Variants in FGF14 observed in about 807,000 individuals in gnomAD.
FGF14 encodes fibroblast growth factor homologous factor 4.
In FGF14, 5 loss-of-function variants were observed where a neutral mutation model predicts 25.5. That is an observed-to-expected ratio of 0.20 (90% CI 0.10 to 0.41). The LOEUF (loss-of-function observed/expected upper bound fraction) is 0.41, where lower values mean the gene tolerates loss of function less well. Among genes scored for constraint, FGF14 ranks in the 10% least tolerant of loss-of-function variants. The pLI, the probability that FGF14 is intolerant of heterozygous loss-of-function variation, is 1.00. For missense variants in FGF14, 222 were observed against 320.1 expected, an observed-to-expected ratio of 0.69 and a Z score of 2.34; for synonymous variants, 138 against 118.3, an observed-to-expected ratio of 1.17 and a Z score of -1.08.
chr13:101,965,486 G>T (rs34278619), intron 1 of FGF14, among the ~76,000 whole-genome samples: 25,465 of 152,050 alleles, frequency 0.17, 2,503 homozygotes, highest in Admixed American at 0.3. Context: ...CTGACTTGGA[G>T]TTTATTTTAA....
intron 1 of FGF14, among the ~76,000 whole-genome samples, chr13:102,312,445 C>G (rs2055819495): frequency 6.6e-6 from 1 of 152,096 alleles, no homozygotes. Flanking sequence ...AAATTCAGAT[C>G]CAAGATCACC....
chr13:102,377,946 G>A (rs1196608535), intron 1 of FGF14, among the ~76,000 whole-genome samples: 2 of 152,066 alleles, frequency 1.3e-5, no homozygotes, highest in Non-Finnish European at 2.9e-5. Context: ...GCTTCTTTAG[G>A]TCCTAAAGGC....
chr13:102,304,254 G>A (rs2055243776), intron 1 of FGF14, among the ~76,000 whole-genome samples: 1 of 152,028 alleles, frequency 6.6e-6, no homozygotes, highest in African/African-American at 2.4e-5. Flanking sequence ...TTGCTTAAAG[G>A]AAGCAGCTAC....
intron 1 of FGF14, among the ~76,000 whole-genome samples, chr13:102,148,370 T>C (rs2046941012): frequency 6.6e-6 from 1 of 152,218 alleles, no homozygotes; most frequent in Non-Finnish European, 1.5e-5. Context: ...TCTTACTATA[T>C]ATTTTAATTG....
chr13:101,912,352 T>C lies in FGF14; in HGVS notation c.193+4101A>G, dbSNP rs190723639. On this transcript the variant is annotated intron_variant, in intron 1 of 4. Transcript: ENST00000376143. The stretch of plus-strand genomic sequence containing the variant: ...TCTCATGATCACAGCCCCAAAAAAG[T>C]AAATCTCAAGAAACAACTGCATTAG... Among the ~76,000 whole-genome samples the C allele has an allele frequency of 3.0e-4, 46 of 152,280 alleles. 1 individual carries two copies. Among genetic ancestry groups the C allele is most frequent in the Non-Finnish European group, 3.2e-4 (22 of 68,012 alleles).
intron 1 of FGF14, among the ~76,000 whole-genome samples, chr13:102,080,070 C>T (rs1298700900): frequency 2.0e-5 from 3 of 152,100 alleles, no homozygotes; most frequent in Non-Finnish European, 4.4e-5. Context: ...GAAGATCATA[C>T]AAACTTGCCT....
intron 1 of FGF14, among the ~76,000 whole-genome samples, chr13:102,234,585 A>G (rs922264376): frequency 2.0e-5 from 3 of 152,194 alleles, no homozygotes; most frequent in African/African-American, 7.2e-5. Flanking sequence ...ATTAAAAATA[A>G]AATAAAATAA....
At chr13:102,313,522 CA>C (rs902915723) in intron 1 of FGF14, among the ~76,000 whole-genome samples, 2 of 150,054 alleles carry the variant, frequency 1.3e-5, no homozygotes, top group Non-Finnish European at 3.0e-5. Flanking sequence ...AAGTGAAAGT[CA>C]AAATTGTAGT....
intron 1 of FGF14, among the ~76,000 whole-genome samples, chr13:102,255,961 G>A (rs964262165): frequency 6.6e-6 from 1 of 152,100 alleles, no homozygotes; most frequent in East Asian, 1.9e-4. Flanking sequence ...GGTTCTGGTG[G>A]AGAAACGGGT....
At chr13:101,880,111 G>C (rs1288776734) in intron 1 of FGF14, among the ~76,000 whole-genome samples, 2 of 152,204 alleles carry the variant, frequency 1.3e-5, no homozygotes, top group East Asian at 3.9e-4. Context: ...TAGGAACCTG[G>C]TTCCAGTTAC....
chr13:102,023,252 A>G (rs1195991752), intron 1 of FGF14, among the ~76,000 whole-genome samples: 1 of 152,054 alleles, frequency 6.6e-6, no homozygotes, highest in Admixed American at 6.6e-5. Flanking sequence ...ATATACCTAG[A>G]AAGAAGCAAA....
intron 3 of FGF14, among the ~76,000 whole-genome samples, chr13:101,739,318 G>C (rs766384418): frequency 1.3e-5 from 2 of 151,858 alleles, no homozygotes; most frequent in Non-Finnish European, 2.9e-5. Context: ...TCTTGATCTT[G>C]AGAAGTTAGA....
intron 1 of FGF14, among the ~76,000 whole-genome samples, chr13:102,321,321 T>A (rs2056234969): frequency 6.6e-6 from 1 of 152,170 alleles, no homozygotes. Context: ...GCATTTTGGT[T>A]AACTTGAAAT....
intron 1 of FGF14, among the ~76,000 whole-genome samples, chr13:102,098,092 G>A (rs2044489226): frequency 6.6e-6 from 1 of 152,186 alleles, no homozygotes; most frequent in African/African-American, 2.4e-5. Flanking sequence ...AGCATTACCT[G>A]TACACCTGTG....
At chr13:101,813,449 C>G (rs2041678425) in intron 3 of FGF14, among the ~76,000 whole-genome samples, 1 of 152,312 alleles carries the variant, frequency 6.6e-6, no homozygotes. Flanking sequence ...CTGTTTGGCA[C>G]TTTTGACCCA....
intron 1 of FGF14, among the ~76,000 whole-genome samples, chr13:102,166,346 A>G (rs1290754774): frequency 4.6e-5 from 7 of 152,202 alleles, no homozygotes; most frequent in African/African-American, 1.4e-4. Flanking sequence ...GATTTATTTT[A>G]CAATTTATAT....
Position 102,056,502 on chromosome 13 carries a change from A to G in FGF14, c.209-181206T>C, listed in dbSNP as rs78240003. ...CTCAGAGAATATGGATGCAGTAGAT[A>G]CTTACATAATAAAACATAATTTCTC... On this transcript the variant is annotated intron_variant, in intron 1 of 4. Coordinates refer to the FGF14 transcript ENST00000376131. Among the ~76,000 whole-genome samples the G allele has an allele frequency of 8.4e-3, 1,283 of 152,286 alleles. 18 individuals are homozygous for G. The highest frequency in any genetic ancestry group is 0.029 in the African/African-American group (1,197 of 41,550).
chr13:101,867,889 G>GACACAC (rs370683665), intron 3 of FGF14, among the ~76,000 whole-genome samples: 2,659 of 140,632 alleles, frequency 0.019, 34 homozygotes, highest in Admixed American at 0.024. Context: ...TTCTGTTTAA[G>GACACAC]ACACACACAC....
intron 1 of FGF14, among the ~76,000 whole-genome samples, chr13:101,940,063 C>T (rs1440705982): frequency 5.3e-5 from 8 of 152,264 alleles, no homozygotes; most frequent in African/African-American, 1.9e-4. Context: ...ATGGCCTTGG[C>T]CAAGTCACCT....
Sources: gnomAD v4.1 joint callset for allele counts (sites outside exome capture counted in the v4.1 genomes callset) on GRCh38, gnomAD v4.1.1 for gene constraint, MANE v1.5 for transcripts, NCBI Gene and HGNC (gene_info 2026-07-23, HGNC 2026-07-21) for gene names.